Variants in LIG1 observed in about 807,000 individuals in gnomAD.
The protein encoded by LIG1 is ligase I, DNA, ATP-dependent.
In LIG1, 70 loss-of-function variants were observed where a neutral mutation model predicts 115.7. That is an observed-to-expected ratio of 0.60 (90% CI 0.50 to 0.74). The LOEUF (loss-of-function observed/expected upper bound fraction) is 0.74, where lower values mean the gene tolerates loss of function less well. Among genes scored for constraint, LIG1 ranks in the 30% least tolerant of loss-of-function variants. LIG1 has a pLI of 0.00. For missense variants in LIG1, 1,115 were observed against 1,225.6 expected, an observed-to-expected ratio of 0.91 and a Z score of 1.35; for synonymous variants, 487 against 495.3, an observed-to-expected ratio of 0.98 and a Z score of 0.22.
At chr19:48,135,839 G>A in intron 15 of LIG1, 60 bp from the exon 16 acceptor site, 1 of 1,450,088 alleles carries the variant, frequency 6.9e-7, no homozygotes, top group Non-Finnish European at 9.7e-7. Context: ...ACACCAGGGT[G>A]CAGTGGGTGG....
intron 16 of LIG1, 51 bp downstream of exon 16, chr19:48,135,629 T>A (rs2034330525): frequency 1.5e-3 from 1,566 of 1,045,238 alleles, no homozygotes; most frequent in Non-Finnish European, 2.1e-3. Context: ...ACCCCCACCC[T>A]GGCACTCTGC....
chr19:48,143,161 G>A (rs543725289), intron 11 of LIG1, among the ~76,000 whole-genome samples: 2 of 152,272 alleles, frequency 1.3e-5, no homozygotes, highest in South Asian at 4.1e-4. Flanking sequence ...GGGGGTCCTC[G>A]CTATAACTGA....
At chr19:48,159,349 CGTGA>C (rs111397694) in intron 4 of LIG1, among the ~76,000 whole-genome samples, 7,650 of 152,256 alleles carry the variant, frequency 0.05, 449 homozygotes, top group African/African-American at 0.14. Context: ...GGATTACAGG[CGTGA>C]GCCATCATGC....
intron 24 of LIG1, chr19:48,120,062 G>C: frequency 6.9e-6 from 3 of 434,992 alleles, no homozygotes; most frequent in Non-Finnish European, 6.1e-6. Flanking sequence ...TCTAAATAAT[G>C]CAAAATGGTG....
At chr19:48,159,108 T>C (rs2036022947) in intron 4 of LIG1, among the ~76,000 whole-genome samples, 1 of 151,376 alleles carries the variant, frequency 6.6e-6, no homozygotes, top group South Asian at 2.1e-4. Flanking sequence ...GATGGAGTCT[T>C]GCCCTGTTGT....
At position 48,127,978 on chromosome 19, in the gene LIG1, C is replaced by T. The variant is rs753986830; in HGVS notation, c.1864G>A (p.Ala622Thr). The T allele has an allele frequency of 6.2e-7, 1 of 1,614,172 alleles. No homozygotes were observed. The highest frequency in any genetic ancestry group is 1.3e-5 in the African/African-American group (1 of 75,026). The change falls in exon 20 of 28, where the codon GCC becomes ACC. Residue 622 changes from alanine to threonine, a missense_variant. Transcript: ENST00000263274. ...SVTSFILDTEAVAWDREKKQI... is the reference protein window; with the variant it reads ...SVTSFILDTETVAWDREKKQI... The stretch of plus-strand genomic sequence containing the variant: ...TTCTTTTCCCGGTCCCAAGCCACGG[C>T]TTCGGTGTCCAGGATGAAGGATGTG...
chr19:48,150,578 G>A (rs914310606), intron 7 of LIG1, among the ~76,000 whole-genome samples: 1 of 152,194 alleles, frequency 6.6e-6, no homozygotes, highest in Non-Finnish European at 1.5e-5. Flanking sequence ...ATGGACACTT[G>A]GACCACCCTG....
chr19:48,119,342 C>T (rs1042302506), intron 24 of LIG1, 152 bp from the exon 25 acceptor site: 90 of 702,506 alleles, frequency 1.3e-4, no homozygotes, highest in South Asian at 8.0e-4. Flanking sequence ...GCTGGGGGTG[C>T]GGAGCATCCA....
intron 25 of LIG1, 100 bp downstream of exon 25, chr19:48,119,037 C>T (rs941142247): frequency 2.1e-6 from 2 of 957,746 alleles, no homozygotes; most frequent in Non-Finnish European, 3.3e-6. Context: ...ACACCTGGAG[C>T]CCCAAGATGG....
intron 20 of LIG1, 61 bp downstream of exon 20, chr19:48,127,849 G>C: frequency 7.2e-7 from 1 of 1,384,312 alleles, no homozygotes; most frequent in Admixed American, 1.7e-5. Context: ...CCCACAGCCA[G>C]GACTGGGTGG....
intron 11 of LIG1, among the ~76,000 whole-genome samples, chr19:48,142,163 C>T (rs1291892232): frequency 3.3e-5 from 5 of 150,734 alleles, no homozygotes; most frequent in African/African-American, 9.8e-5. Flanking sequence ...TAGGGCCGGG[C>T]GCGGTGGCTC....
chr19:48,143,706 C>A, intron 10 of LIG1, 107 bp from the exon 11 acceptor site: 2 of 1,135,028 alleles, frequency 1.8e-6, no homozygotes, highest in Non-Finnish European at 2.7e-6. Context: ...TTGCCAATAC[C>A]CAAATGCATG....
At chr19:48,157,625 A>C (rs2035933967) in intron 4 of LIG1, among the ~76,000 whole-genome samples, 1 of 151,864 alleles carries the variant, frequency 6.6e-6, no homozygotes, top group Non-Finnish European at 1.5e-5. Context: ...GCTCACTGCA[A>C]CCTCTGCCTC....
At chr19:48,128,141 C>G (rs768872048) in intron 19 of LIG1, 121 bp from the exon 20 acceptor site, 8 of 770,520 alleles carry the variant, frequency 1.0e-5, no homozygotes, top group Non-Finnish European at 1.6e-5. Context: ...AACAAAGAGG[C>G]AGGTGCACAC....
chr19:48,115,846 G>C (rs751739483), intron 27 of LIG1, 27 bp downstream of exon 27: 2 of 1,600,546 alleles, frequency 1.2e-6, no homozygotes, highest in Non-Finnish European at 1.7e-6. Flanking sequence ...CAGCTGGGCG[G>C]CCCACCCCTG....
chr19:48,158,574 C>T (rs1415790653), intron 4 of LIG1, among the ~76,000 whole-genome samples: 1 of 152,246 alleles, frequency 6.6e-6, no homozygotes, highest in Admixed American at 6.5e-5. Context: ...TTCATGCTGC[C>T]AGGACCGGGA....
At chr19:48,127,864 T>G in intron 20 of LIG1, 46 bp downstream of exon 20, 2 of 1,485,554 alleles carry the variant, frequency 1.3e-6, no homozygotes, top group Non-Finnish European at 1.9e-6. Context: ...GGGTGGAAGA[T>G]GAGGAAGTAC....
At chr19:48,155,380 A>G (rs1271385935) in intron 5 of LIG1, among the ~76,000 whole-genome samples, 1 of 152,150 alleles carries the variant, frequency 6.6e-6, no homozygotes, top group African/African-American at 2.4e-5. Context: ...AGTAGATGAG[A>G]GGCCCCAAAC....
In LIG1 at chr19:48,142,457, A is replaced by AAAAAAAAAAAAAAAAAAC. The variant is rs71181650; in HGVS notation, c.914+1085_914+1086insGTTTTTTTTTTTTTTTTT. On this transcript the variant is annotated intron_variant, in intron 11 of 27. Transcript: ENST00000263274. ...GACTCCATCTCAAAAAAAAAAAAAAACAGAGTGCTGGGAACAGCCTGAAAT... is the reference window on the plus strand; with the variant it reads ...GACTCCATCTCAAAAAAAAAAAAAAAAAAAAAAAAAAAAAAAACCAGAGTGCTGGGAACAGCCTGAAAT... 9.6e-4 allele frequency among the ~76,000 whole-genome samples: 142 copies of AAAAAAAAAAAAAAAAAAC among 147,998 alleles called. 5 individuals are homozygous for AAAAAAAAAAAAAAAAAAC. The highest frequency in any genetic ancestry group is 4.8e-3 in the South Asian group (22 of 4,544).
Sources: gnomAD v4.1 joint callset for allele counts (sites outside exome capture counted in the v4.1 genomes callset) on GRCh38, gnomAD v4.1.1 for gene constraint, MANE v1.5 for transcripts, NCBI Gene and HGNC (gene_info 2026-07-23, HGNC 2026-07-21) for gene names.